The following CNTNAP4 variants were observed in gnomAD, a reference collection of about 807,000 sequenced individuals.
CNTNAP4 encodes the protein contactin-associated protein-like 4.
A neutral mutation model predicts 148.4 loss-of-function variants in CNTNAP4; 98 were observed. The ratio of observed to expected loss-of-function variants is 0.66; its 90% confidence interval spans 0.56 to 0.78. The LOEUF is 0.78. CNTNAP4 is among the 30% of genes least tolerant of loss of function. CNTNAP4 has a pLI of 0.00. For synonymous variants in CNTNAP4, 730 were observed against 565.1 expected, an observed-to-expected ratio of 1.29 and a Z score of -4.14; for missense variants, 1,935 against 1,565.6, an observed-to-expected ratio of 1.24 and a Z score of -3.98.
At chr16:76,431,342 C>T (rs1354518783) in intron 4 of CNTNAP4, among the ~76,000 whole-genome samples, 2 of 152,012 alleles carry the variant, frequency 1.3e-5, no homozygotes, top group Admixed American at 1.3e-4. Context: ...CTTGTTTGGA[C>T]AAGTGATGGT....
intron 11 of CNTNAP4, among the ~76,000 whole-genome samples, chr16:76,477,313 C>T (rs2081622273): frequency 6.6e-6 from 1 of 152,110 alleles, no homozygotes; most frequent in South Asian, 2.1e-4. Context: ...CCAAAATGCC[C>T]ATTTCCCCCC....
At chr16:76,334,724 C>G (rs1019751708) in intron 2 of CNTNAP4, among the ~76,000 whole-genome samples, 1 of 152,038 alleles carries the variant, frequency 6.6e-6, no homozygotes, top group Non-Finnish European at 1.5e-5. Context: ...TATCAAAAGA[C>G]ACTGTCAAAA....
chr16:76,468,076 T>A lies in CNTNAP4; in HGVS notation c.1655+553T>A, dbSNP rs1434246038. On this transcript the variant is annotated intron_variant, in intron 10 of 23. Transcript: ENST00000611870. ...GAGAAGCTTGGGGTTGTGGTATTGA[T>A]CAAGGTATAAGGATGATCAAAGAGT... 2.6e-5 allele frequency among the ~76,000 whole-genome samples: 4 copies of A among 152,162 alleles called. No individual in the cohort carries two copies. In the East Asian group the frequency reaches 7.7e-4, roughly 29 times the overall value.
intron 2 of CNTNAP4, among the ~76,000 whole-genome samples, chr16:76,354,544 G>A (rs1007370816): frequency 5.9e-5 from 9 of 152,128 alleles, no homozygotes; most frequent in African/African-American, 2.2e-4. Context: ...AACTGGCTGG[G>A]GTGAGGGCAG....
intron 3 of CNTNAP4, among the ~76,000 whole-genome samples, chr16:76,384,171 G>A (rs2016280875): frequency 6.6e-6 from 1 of 151,962 alleles, no homozygotes; most frequent in Non-Finnish European, 1.5e-5. Context: ...AGCCTCCTGA[G>A]TAGCTGGGAT....
chr16:76,442,908 C>G (rs533398442), intron 4 of CNTNAP4, among the ~76,000 whole-genome samples: 2 of 152,162 alleles, frequency 1.3e-5, no homozygotes, highest in Non-Finnish European at 2.9e-5. Flanking sequence ...AGTATTCAAA[C>G]CAGCACAGAC....
chr16:76,434,403 G>A (rs1597523344), intron 4 of CNTNAP4, among the ~76,000 whole-genome samples: 1 of 152,182 alleles, frequency 6.6e-6, no homozygotes, highest in East Asian at 1.9e-4. Context: ...CATTTGCCAA[G>A]TCAATGGCTG....
intron 1 of CNTNAP4, among the ~76,000 whole-genome samples, chr16:76,280,112 T>C (rs971712339): frequency 6.6e-6 from 1 of 152,184 alleles, no homozygotes; most frequent in African/African-American, 2.4e-5. Flanking sequence ...ATATTGGAAA[T>C]AACTGAATAT....
chr16:76,552,278 G>A (rs1380221865), intron 21 of CNTNAP4, among the ~76,000 whole-genome samples: 3 of 152,236 alleles, frequency 2.0e-5, no homozygotes, highest in East Asian at 1.9e-4. Context: ...CCCTTGACAC[G>A]TGGGGATTAT....
intron 3 of CNTNAP4, among the ~76,000 whole-genome samples, chr16:76,387,216 T>A (rs1285415677): frequency 6.6e-6 from 1 of 152,184 alleles, no homozygotes; most frequent in African/African-American, 2.4e-5. Flanking sequence ...ACCTACCACA[T>A]GACATTTATA....
At chr16:76,283,170 T>C (rs1332818560) in intron 1 of CNTNAP4, among the ~76,000 whole-genome samples, 1 of 151,944 alleles carries the variant, frequency 6.6e-6, no homozygotes, top group Non-Finnish European at 1.5e-5. Context: ...AAAAATAGAA[T>C]ATCAGCTCTG....
chr16:76,455,445 C>A (rs1160481285), intron 8 of CNTNAP4, among the ~76,000 whole-genome samples: 1 of 152,142 alleles, frequency 6.6e-6, no homozygotes, highest in Non-Finnish European at 1.5e-5. Flanking sequence ...ATGGAGCAGC[C>A]CCCTTGATTT....
chr16:76,373,303 TCC>T (rs2015059223), intron 3 of CNTNAP4, among the ~76,000 whole-genome samples: 4 of 152,050 alleles, frequency 2.6e-5, no homozygotes, highest in African/African-American at 9.6e-5. Flanking sequence ...TGAAATATAT[TCC>T]ACATAAATAT....
At chr16:76,420,426 A>C (rs2079148901) in intron 3 of CNTNAP4, among the ~76,000 whole-genome samples, 2 of 151,940 alleles carry the variant, frequency 1.3e-5, no homozygotes, top group Admixed American at 6.6e-5. Flanking sequence ...TCACTTTTAC[A>C]GGCAACCAGA....
chr16:76,526,808 G>A (rs1327564540), intron 17 of CNTNAP4, among the ~76,000 whole-genome samples: 1 of 151,958 alleles, frequency 6.6e-6, no homozygotes, highest in Non-Finnish European at 1.5e-5. Context: ...CAAGTAGCTG[G>A]CACCACAGGT....
At chr16:76,402,813 T>G (rs1238508815) in intron 3 of CNTNAP4, among the ~76,000 whole-genome samples, 3 of 152,298 alleles carry the variant, frequency 2.0e-5, no homozygotes, top group South Asian at 4.1e-4. Flanking sequence ...CAAAAATCAT[T>G]CAGGAGAATG....
intron 15 of CNTNAP4, among the ~76,000 whole-genome samples, chr16:76,500,234 C>T (rs1034130072): frequency 1.3e-5 from 2 of 151,968 alleles, no homozygotes; most frequent in African/African-American, 4.8e-5. Context: ...GCAGGGGCTG[C>T]CCCCACCTTC....
chr16:76,324,098 A>C (rs932629104), intron 2 of CNTNAP4, among the ~76,000 whole-genome samples: 9 of 152,152 alleles, frequency 5.9e-5, no homozygotes, highest in African/African-American at 2.2e-4. Context: ...TAAGAAGGTG[A>C]GGGGAGTACC....
intron 15 of CNTNAP4, among the ~76,000 whole-genome samples, chr16:76,504,861 G>A (rs1261651835): frequency 1.3e-5 from 2 of 152,036 alleles, no homozygotes; most frequent in African/African-American, 2.4e-5. Flanking sequence ...AAGATCCTTA[G>A]CATCATTAGT....
Sources: gnomAD v4.1 joint callset for allele counts (sites outside exome capture counted in the v4.1 genomes callset) on GRCh38, gnomAD v4.1.1 for gene constraint, MANE v1.5 for transcripts, NCBI Gene and HGNC (gene_info 2026-07-23, HGNC 2026-07-21) for gene names.